Variants in KCNT2 observed in about 807,000 individuals in gnomAD.
The protein encoded by KCNT2 is potassium channel subfamily T member 2.
Under a neutral mutation model 153.8 loss-of-function variants are expected in KCNT2, and 67 were observed. The ratio of observed to expected loss-of-function variants is 0.44; its 90% CI spans 0.36 to 0.53. KCNT2 has a LOEUF of 0.53. KCNT2 is among the 20% of genes least tolerant of loss of function. The pLI is 0.00. For missense variants in KCNT2, 975 were observed against 1,354.8 expected (o/e 0.72, Z 4.40); for synonymous variants, 500 against 458.8 (o/e 1.09, Z -1.15).
At chr1:196,397,711 T>C (rs1321266392) in intron 13 of KCNT2, among the ~76,000 whole-genome samples, 2 of 151,554 alleles carry the variant, frequency 1.3e-5, no homozygotes, top group Non-Finnish European at 3.0e-5. Flanking sequence ...TTCCCTAGTA[T>C]TTACAATTTT....
At chr1:196,502,460 T>C (rs889977379) in intron 1 of KCNT2, among the ~76,000 whole-genome samples, 1 of 152,214 alleles carries the variant, frequency 6.6e-6, no homozygotes, top group African/African-American at 2.4e-5. Flanking sequence ...TATGCACATA[T>C]ATGCATGTGT....
Position 196,607,197 on chromosome 1 carries a change from C to A in KCNT2, c.95+1018G>T, listed in dbSNP as rs1665413738. 2.6e-5 allele frequency among the ~76,000 whole-genome samples: 4 copies of A among 152,184 alleles called. No individual in the cohort carries two copies. In the South Asian group the frequency reaches 8.3e-4, roughly 32 times the overall value. Reference sequence around the variant, plus strand: ...AATGAGGAGGGGATTTTGGATTGGACCAATAATGGATCTTTTATATAACTA... The same window carrying A: ...AATGAGGAGGGGATTTTGGATTGGAACAATAATGGATCTTTTATATAACTA... On this transcript the variant is annotated intron_variant, in intron 1 of 27. Coordinates refer to ENST00000294725, the MANE Select transcript of KCNT2 (RefSeq NM_198503.5).
At chr1:196,435,944 C>T (rs928165940) in intron 8 of KCNT2, among the ~76,000 whole-genome samples, 1 of 151,570 alleles carries the variant, frequency 6.6e-6, no homozygotes, top group African/African-American at 2.4e-5. Flanking sequence ...TTATCACATC[C>T]TAAAGGTAGA....
At chr1:196,502,544 C>CAAAT (rs2148768961) in intron 1 of KCNT2, among the ~76,000 whole-genome samples, 1 of 152,144 alleles carries the variant, frequency 6.6e-6, no homozygotes, top group African/African-American at 2.4e-5. Flanking sequence ...GGATAAATAA[C>CAAAT]AACTATCAAT....
chr1:196,244,972 C>A (rs1655304978), intron 26 of KCNT2, among the ~76,000 whole-genome samples: 1 of 152,088 alleles, frequency 6.6e-6, no homozygotes, highest in African/African-American at 2.4e-5. Context: ...CTTGTGTTAT[C>A]CCTTCCCCAG....
intron 13 of KCNT2, among the ~76,000 whole-genome samples, chr1:196,386,117 TCTC>T (rs199734833): frequency 1.3e-3 from 193 of 152,014 alleles, no homozygotes; most frequent in African/African-American, 3.7e-3. Context: ...GAAACCAAGA[TCTC>T]CTACCAATAG....
intron 8 of KCNT2, among the ~76,000 whole-genome samples, chr1:196,432,001 A>T (rs1674193796): frequency 6.6e-6 from 1 of 152,018 alleles, no homozygotes; most frequent in South Asian, 2.1e-4. Context: ...CAGAGTGTGA[A>T]AGGTTTGAGG....
chr1:196,469,456 G>A (rs1677898811), intron 5 of KCNT2, among the ~76,000 whole-genome samples: 3 of 152,098 alleles, frequency 2.0e-5, no homozygotes, highest in Admixed American at 1.3e-4. Flanking sequence ...AAGTATATTA[G>A]TTTGTGAAAC....
At chr1:196,233,626 T>A (rs900127470) in intron 27 of KCNT2, among the ~76,000 whole-genome samples, 2 of 151,480 alleles carry the variant, frequency 1.3e-5, no homozygotes, top group African/African-American at 4.8e-5. Flanking sequence ...ACATTTCCTC[T>A]TTATACTTTA....
At chr1:196,298,496 C>T (rs578138436) in intron 22 of KCNT2, among the ~76,000 whole-genome samples, 70 of 152,254 alleles carry the variant, frequency 4.6e-4, no homozygotes, top group Non-Finnish European at 8.4e-4. Context: ...TAAAGGGTCT[C>T]CCAATCACAG....
intron 8 of KCNT2, among the ~76,000 whole-genome samples, chr1:196,434,015 C>T (rs772185681): frequency 2.0e-5 from 3 of 151,960 alleles, no homozygotes; most frequent in Non-Finnish European, 4.4e-5. Context: ...AGCAAAATCG[C>T]CCTCGTTTTA....
intron 1 of KCNT2, among the ~76,000 whole-genome samples, chr1:196,517,113 A>T (rs1652677229): frequency 6.6e-6 from 1 of 152,090 alleles, no homozygotes; most frequent in South Asian, 2.1e-4. Flanking sequence ...AGTCCACGGC[A>T]ACCAGAGGCT....
intron 19 of KCNT2, among the ~76,000 whole-genome samples, chr1:196,325,144 G>C (rs1449947735): frequency 6.6e-6 from 1 of 152,006 alleles, no homozygotes; most frequent in Non-Finnish European, 1.5e-5. Flanking sequence ...CTGATTTTTG[G>C]TAGGGAGGTT....
At chr1:196,351,468 T>A (rs1304050138) in intron 14 of KCNT2, among the ~76,000 whole-genome samples, 1 of 149,290 alleles carries the variant, frequency 6.7e-6, no homozygotes, top group Non-Finnish European at 1.5e-5. Flanking sequence ...TTGAAGCAAT[T>A]GTGAATGGGA....
At chr1:196,526,015 C>CTGTGTG (rs369541629) in intron 1 of KCNT2, among the ~76,000 whole-genome samples, 3,331 of 140,090 alleles carry the variant, frequency 0.024, 49 homozygotes, top group African/African-American at 0.043. Context: ...AGAACTGACT[C>CTGTGTG]TGTGTGTGTG....
chr1:196,521,623 A>G (rs1012881483), intron 1 of KCNT2, among the ~76,000 whole-genome samples: 2 of 152,322 alleles, frequency 1.3e-5, no homozygotes, highest in Non-Finnish European at 2.9e-5. Context: ...CAGCCATAAA[A>G]AAGAATGAGA....
At chr1:196,433,633 T>G (rs779700963) in intron 8 of KCNT2, among the ~76,000 whole-genome samples, 2 of 152,100 alleles carry the variant, frequency 1.3e-5, no homozygotes, top group African/African-American at 2.4e-5. Flanking sequence ...AATCAGTGTA[T>G]ATTTGTGAAT....
At chr1:196,435,052 T>C (rs1674498207) in intron 8 of KCNT2, among the ~76,000 whole-genome samples, 1 of 149,094 alleles carries the variant, frequency 6.7e-6, no homozygotes, top group Non-Finnish European at 1.5e-5. Context: ...CACAGAATTT[T>C]GAGAAATAAC....
At chr1:196,433,151 A>G (rs775161409) in intron 8 of KCNT2, among the ~76,000 whole-genome samples, 49 of 152,090 alleles carry the variant, frequency 3.2e-4, no homozygotes, top group Non-Finnish European at 5.0e-4. Flanking sequence ...GGCACTCAAC[A>G]GATGTTAAAT....
Sources: allele counts gnomAD v4.1 joint callset (sites outside exome capture counted in the v4.1 genomes callset), GRCh38; gene constraint gnomAD v4.1.1; transcripts MANE v1.5; gene names NCBI Gene and HGNC (gene_info 2026-07-23, HGNC 2026-07-21).